Variants in ENTHD1 observed in about 807,000 individuals in gnomAD.
ENTHD1 encodes ENTH domain-containing protein 1.
In ENTHD1, 23 loss-of-function variants were observed where a neutral mutation model predicts 39.1. The observed-to-expected ratio is 0.59, with a 90% confidence interval of 0.42 to 0.83. ENTHD1 has a LOEUF of 0.83. Among genes scored for constraint, ENTHD1 ranks in the 40% least tolerant of loss-of-function variants. The pLI, the probability that ENTHD1 is intolerant of heterozygous loss-of-function variation, is 0.00. For missense variants in ENTHD1, 624 were observed against 705.4 expected (o/e 0.88, Z 1.31); for synonymous variants, 230 against 258.2 (o/e 0.89, Z 1.05).
chr22:39,778,979 G>C (rs911092068), intron 5 of ENTHD1, among the ~76,000 whole-genome samples: 1 of 152,120 alleles, frequency 6.6e-6, no homozygotes, highest in African/African-American at 2.4e-5. Context: ...TACTTAATGT[G>C]GTTAGAGAAA....
intron 2 of ENTHD1, among the ~76,000 whole-genome samples, chr22:39,884,778 G>A (rs139195603): frequency 2.0e-5 from 3 of 152,262 alleles, no homozygotes; most frequent in African/African-American, 4.8e-5. Context: ...TGGTCTTTTC[G>A]ATAAATGGTA....
At chr22:39,845,797 C>G (rs553736334) in intron 3 of ENTHD1, among the ~76,000 whole-genome samples, 1 of 152,174 alleles carries the variant, frequency 6.6e-6, no homozygotes, top group East Asian at 1.9e-4. Context: ...TCTCATTGAT[C>G]TGCAAGAATT....
chr22:39,792,433 C>A (rs1023060369), intron 5 of ENTHD1, among the ~76,000 whole-genome samples: 1 of 152,112 alleles, frequency 6.6e-6, no homozygotes, highest in Admixed American at 6.5e-5. Context: ...CATTTTAGTT[C>A]TTTTTCTAAT....
rs773694952 is a variant in ENTHD1 at position 39,821,122 on chromosome 22, A to T, written c.712-9T>A. 2 of 1,613,568 alleles carry T rather than the reference A, an allele frequency of 1.2e-6. No homozygotes were observed. Among genetic ancestry groups the T allele is most frequent in the Non-Finnish European group, 1.7e-6 (2 of 1,179,724 alleles). ...AAAAATGTCATCAGGTCCTGACAGA[A>T]AACACAAGAACATGAGAATTGAAGA... is the stretch of plus-strand genomic sequence containing the variant. On this transcript the variant is annotated splice_polypyrimidine_tract_variant and intron_variant, in intron 4 of 6. Coordinates refer to ENST00000325157, the MANE Select transcript of ENTHD1 (RefSeq NM_152512.4).
chr22:39,794,276 T>C (rs910906541), intron 5 of ENTHD1, among the ~76,000 whole-genome samples: 3 of 152,214 alleles, frequency 2.0e-5, no homozygotes, highest in Admixed American at 6.5e-5. Context: ...TATTGGTGTA[T>C]AGAAATGCTA....
At chr22:39,875,467 C>T in intron 2 of ENTHD1, 1 of 1,545,268 alleles carries the variant, frequency 6.5e-7, no homozygotes. Flanking sequence ...GCGGCCAGGC[C>T]GTGCGCCGGC....
In ENTHD1 at chr22:39,766,593, C is replaced by T. The variant is rs568815608; in HGVS notation, c.833-984G>A. ...AGGGCCAAAGGAAGAGGCTATCTTT[C>T]GAAGCTCCCAAAAGAGGACGCAGAA... On this transcript the variant is annotated intron_variant, in intron 5 of 6. Coordinates refer to ENST00000325157, the MANE Select transcript of ENTHD1 (RefSeq NM_152512.4). 4.8e-4 allele frequency among the ~76,000 whole-genome samples: 73 copies of T among 152,218 alleles called. No homozygotes were observed. In the South Asian group the frequency reaches 0.012, roughly 26 times the overall value.
intron 5 of ENTHD1, among the ~76,000 whole-genome samples, chr22:39,780,928 G>C (rs373121459): frequency 7.9e-5 from 12 of 152,008 alleles, no homozygotes; most frequent in Admixed American, 2.0e-4. Context: ...GAACCCAGGA[G>C]GGGGAGCTTG....
intron 4 of ENTHD1, among the ~76,000 whole-genome samples, chr22:39,834,043 A>G (rs1418608116): frequency 6.6e-6 from 1 of 152,090 alleles, no homozygotes; most frequent in Admixed American, 6.6e-5. Context: ...AACGTAAAAC[A>G]TGACACTTTT....
At chr22:39,813,595 C>T (rs1319254220) in intron 5 of ENTHD1, among the ~76,000 whole-genome samples, 1 of 152,144 alleles carries the variant, frequency 6.6e-6, no homozygotes, top group Non-Finnish European at 1.5e-5. Context: ...CGGAGAGCTG[C>T]AAAAACACAC....
In ENTHD1 at chr22:39,887,889, T is replaced by C; in HGVS notation, c.-141A>G. 1.7e-6 allele frequency: 1 copy of C among 578,840 alleles called. No homozygotes were observed. The highest frequency in any genetic ancestry group is 2.8e-6 in the Non-Finnish European group (1 of 353,348). 35.9% of individuals were successfully genotyped at this position (578,840 alleles called of 1,614,324 possible). On this transcript the variant is annotated 5_prime_UTR_variant, in exon 2 of 7. Transcript: ENST00000325157. ...TACAAATAATTAATCTCTATGTTGA[T>C]AAAGTATCAATTTCCTGCAAGGAAA... is the stretch of plus-strand genomic sequence containing the variant.
At chr22:39,873,985 G>A (rs1387167850) in intron 2 of ENTHD1, among the ~76,000 whole-genome samples, 2 of 152,178 alleles carry the variant, frequency 1.3e-5, no homozygotes, top group Admixed American at 6.5e-5. Flanking sequence ...AGTTCCACAT[G>A]GCTAGGGAGG....
chr22:39,818,182 C>A (rs1440552962), intron 5 of ENTHD1, among the ~76,000 whole-genome samples: 2 of 152,204 alleles, frequency 1.3e-5, no homozygotes, highest in African/African-American at 4.8e-5. Flanking sequence ...AACTAGCCTA[C>A]ATGGAAAGAC....
chr22:39,827,436 T>C (rs935149397), intron 4 of ENTHD1, among the ~76,000 whole-genome samples: 2 of 152,028 alleles, frequency 1.3e-5, no homozygotes, highest in Non-Finnish European at 2.9e-5. Context: ...GGAAAATAGA[T>C]AAAGAACCAG....
At position 39,887,665 on chromosome 22, in the gene ENTHD1, G is replaced by T. The variant is rs2066390795; in HGVS notation, c.84C>A (p.Asp28Glu). Residue 28 changes from aspartate (D) to glutamate (E), a missense_variant, in exon 2 of 7, where the codon GAC becomes GAA. Coordinates refer to ENST00000325157, the MANE Select transcript of ENTHD1 (RefSeq NM_152512.4). Reference sequence around the variant, plus strand: ...TCAGAGAACTAGAGGGACCCCAAGGGTCGTTAGAAGTTGCTTCCCTGACTT... The same window carrying T: ...TCAGAGAACTAGAGGGACCCCAAGGTTCGTTAGAAGTTGCTTCCCTGACTT... ...EIKVREATSN[D>E]PWGPSSSLML... The T allele has an allele frequency of 6.2e-7, 1 of 1,603,170 alleles. No individual in the cohort carries two copies. The highest frequency in any genetic ancestry group is 1.8e-5 in the Admixed American group (1 of 56,852).
At chr22:39,842,414 T>G (rs945429690) in intron 3 of ENTHD1, among the ~76,000 whole-genome samples, 3 of 152,000 alleles carry the variant, frequency 2.0e-5, no homozygotes, top group Non-Finnish European at 4.4e-5. Context: ...AGTCCCATAT[T>G]TCTTGGAGGC....
At chr22:39,892,842 A>C (rs1406636500) in intron 1 of ENTHD1, among the ~76,000 whole-genome samples, 1 of 152,204 alleles carries the variant, frequency 6.6e-6, no homozygotes, top group Non-Finnish European at 1.5e-5. Flanking sequence ...GCTACGGGAA[A>C]ATGGTTATAG....
chr22:39,759,025 G>C (rs1199696438), intron 6 of ENTHD1, among the ~76,000 whole-genome samples: 1 of 152,004 alleles, frequency 6.6e-6, no homozygotes, highest in Non-Finnish European at 1.5e-5. Context: ...TTTTACTGAG[G>C]ATTTCTACAT....
intron 5 of ENTHD1, among the ~76,000 whole-genome samples, chr22:39,777,587 T>G (rs2146579292): frequency 6.6e-6 from 1 of 152,324 alleles, no homozygotes; most frequent in Non-Finnish European, 1.5e-5. Context: ...TAATTTCTCA[T>G]GGACAAATAC....
Sources: gnomAD v4.1 joint callset for allele counts (sites outside exome capture counted in the v4.1 genomes callset) on GRCh38, gnomAD v4.1.1 for gene constraint, MANE v1.5 for transcripts, NCBI Gene and HGNC (gene_info 2026-07-23, HGNC 2026-07-21) for gene names.